The following ADCYAP1R1 variants were observed in gnomAD, a reference collection of about 807,000 sequenced individuals.
The protein encoded by ADCYAP1R1 is pituitary adenylate cyclase-activating polypeptide type I receptor.
In ADCYAP1R1, 44 loss-of-function variants were observed where a neutral mutation model predicts 67.6. The ratio of observed to expected loss-of-function variants is 0.65; its 90% CI spans 0.51 to 0.84. The LOEUF is 0.84. Among genes scored for constraint, ADCYAP1R1 ranks in the 40% least tolerant of loss-of-function variants. ADCYAP1R1 has a pLI of 0.00. For synonymous variants in ADCYAP1R1, 222 were observed against 219.6 expected (o/e 1.01, Z -0.10); for missense variants, 477 against 587.9 (o/e 0.81, Z 1.95).
intron 8 of ADCYAP1R1, 125 bp downstream of exon 8, chr7:31,084,959 C>A (rs1007324627): frequency 3.2e-6 from 3 of 941,922 alleles, no homozygotes; most frequent in Non-Finnish European, 5.0e-6. Context: ...ATTTCTCCCA[C>A]CCCAAGGATA....
In ADCYAP1R1 at chr7:31,106,525, A is replaced by T. The variant is rs759480300; in HGVS notation, c.1248A>T (p.Arg416=). Residue 416 remains arginine (R), a synonymous_variant, in exon 16 of 16, where the codon CGA becomes CGT. Coordinates refer to ENST00000304166, the MANE Select transcript of ADCYAP1R1 (RefSeq NM_001118.5). ...AAGCGGAGATCAAGCGAAAATGGCG[A>T]AGCTGGAAGGTGAACCGTTACTTCG... The part of the protein sequence containing the change: ...EVQAEIKRKW[R]SWKVNRYFAV... The T allele has an allele frequency of 6.2e-7, 1 of 1,612,722 alleles. No homozygotes were observed. Among genetic ancestry groups the T allele is most frequent in the South Asian group, 1.1e-5 (1 of 90,780 alleles).
intron 3 of ADCYAP1R1, among the ~76,000 whole-genome samples, chr7:31,070,033 A>G (rs1395759900): frequency 6.6e-6 from 1 of 152,194 alleles, no homozygotes; most frequent in Non-Finnish European, 1.5e-5. Flanking sequence ...GGTGGTGGTC[A>G]TTGGCCAACC....
intron 3 of ADCYAP1R1, among the ~76,000 whole-genome samples, chr7:31,069,698 C>T (rs1192541787): frequency 6.6e-6 from 1 of 152,038 alleles, no homozygotes; most frequent in Non-Finnish European, 1.5e-5. Context: ...TAAAGAGAAC[C>T]TAGGATGGTG....
intron 4 of ADCYAP1R1, among the ~76,000 whole-genome samples, chr7:31,078,321 G>A (rs1005658028): frequency 5.9e-5 from 9 of 152,088 alleles, no homozygotes; most frequent in Admixed American, 2.0e-4. Flanking sequence ...GTGCCCTCAC[G>A]CGTGGGATCC....
chr7:31,109,456 CTG>C lies in ADCYAP1R1; in HGVS notation c.*2775_*2776del, dbSNP rs1304134587. ...CATCTACTTGGAATGGGCCCCAGGA[CTG>C]TGGTATTTGCCTGGGCCAGGAAAGG... On this transcript the variant is annotated 3_prime_UTR_variant, in exon 16 of 16. Coordinates refer to ENST00000304166, the MANE Select transcript of ADCYAP1R1 (RefSeq NM_001118.5). 1 of 152,174 alleles carries C rather than the reference CTG, an allele frequency of 6.6e-6. No homozygotes were observed. The highest frequency in any genetic ancestry group is 1.5e-5 in the Non-Finnish European group (1 of 68,056). 9.4% of individuals were successfully genotyped at this position (152,174 alleles called of 1,614,324 possible). A position where few individuals can be genotyped will look rare whatever the true frequency, so the allele number is the denominator to read the frequency against.
chr7:31,104,583 G>C (rs950995951), intron 14 of ADCYAP1R1, among the ~76,000 whole-genome samples: 10 of 152,142 alleles, frequency 6.6e-5, no homozygotes, highest in Non-Finnish European at 1.2e-4. Context: ...ATAGGAAGTG[G>C]GATAGAGCTG....
At chr7:31,099,768 CG>C (rs1796357599) in intron 13 of ADCYAP1R1, among the ~76,000 whole-genome samples, 1 of 152,176 alleles carries the variant, frequency 6.6e-6, no homozygotes, top group African/African-American at 2.4e-5. Flanking sequence ...CTTGACGAGG[CG>C]GGGCTCTAAG....
chr7:31,077,774 AGTGT>A (rs1187367937), intron 3 of ADCYAP1R1, among the ~76,000 whole-genome samples: 2 of 112,440 alleles, frequency 1.8e-5, no homozygotes, highest in Admixed American at 9.0e-5. Context: ...ATGTATGTGT[AGTGT>A]GTGTGTGTGA....
At chr7:31,078,605 C>T (rs1024550071) in intron 4 of ADCYAP1R1, among the ~76,000 whole-genome samples, 1 of 152,334 alleles carries the variant, frequency 6.6e-6, no homozygotes, top group African/African-American at 2.4e-5. Flanking sequence ...GAATGAGACG[C>T]GTGGGGAAGG....
rs760533257 is a variant in ADCYAP1R1, at chr7:31,102,209, G to A, written c.1047-1028G>A. ...CTGCCTCATGCCTGCTGTCCACCCC[G>A]GGGGACTTAGCTGTGCTGGGAGATG... is the stretch of plus-strand genomic sequence containing the variant. On this transcript the variant is annotated intron_variant, in intron 13 of 15. Coordinates refer to ENST00000304166, the MANE Select transcript of ADCYAP1R1 (RefSeq NM_001118.5). This position sits in a 1 kb window ranked among gnomAD's most constrained non-coding sequence, Gnocchi z 4.3. Among the ~76,000 whole-genome samples, 13 of 152,226 alleles carry A rather than the reference G, an allele frequency of 8.5e-5. No individual in the cohort carries two copies. Among genetic ancestry groups the A allele is most frequent in the Admixed American group, 3.3e-4 (5 of 15,288 alleles).
chr7:31,110,520 A>G lies in ADCYAP1R1; in HGVS notation c.*3836A>G, dbSNP rs1181126635. 4 of 152,240 alleles carry G rather than the reference A, an allele frequency of 2.6e-5. No individual in the cohort carries two copies. The highest frequency in any genetic ancestry group is 2.6e-4 in the Admixed American group (4 of 15,286). 9.4% of individuals were successfully genotyped at this position (152,240 alleles called of 1,614,324 possible). A position where few individuals can be genotyped will look rare whatever the true frequency, so the allele number is the denominator to read the frequency against. ...ACCATGGTGGGATCCAGTATGTTTT[A>G]TAAATCTGAATGAGTAAATGGCTCA... On this transcript the variant is annotated 3_prime_UTR_variant, in exon 16 of 16. Transcript: ENST00000304166.
At chr7:31,087,879 T>C (rs1348711421) in intron 12 of ADCYAP1R1, among the ~76,000 whole-genome samples, 183 bp downstream of exon 12, 1 of 152,254 alleles carries the variant, frequency 6.6e-6, no homozygotes, top group African/African-American at 2.4e-5. Context: ...AGATTTATAT[T>C]GTCCCATTTT....
At chr7:31,071,774 T>C (rs1192674732) in intron 3 of ADCYAP1R1, among the ~76,000 whole-genome samples, 2 of 152,182 alleles carry the variant, frequency 1.3e-5, no homozygotes, top group East Asian at 3.9e-4. Flanking sequence ...CCCTGCCCTC[T>C]TCTCCAGTTG....
At chr7:31,104,803 T>C in intron 14 of ADCYAP1R1, 65 bp from the exon 15 acceptor site, 1 of 1,568,302 alleles carries the variant, frequency 6.4e-7, no homozygotes, top group Non-Finnish European at 8.8e-7. Context: ...ATCCCCTCCA[T>C]GCCCCACACA....
intron 4 of ADCYAP1R1, among the ~76,000 whole-genome samples, chr7:31,080,061 C>T (rs577831330): frequency 4.6e-5 from 7 of 152,328 alleles, no homozygotes; most frequent in African/African-American, 1.4e-4. Flanking sequence ...GGTCAGATTC[C>T]ATGCCAGACT....
chr7:31,074,648 C>G (rs73688756), intron 3 of ADCYAP1R1, among the ~76,000 whole-genome samples: 11 of 152,182 alleles, frequency 7.2e-5, no homozygotes, highest in Non-Finnish European at 1.5e-4. Flanking sequence ...TGCTCCACGG[C>G]CGTTCCACGG....
chr7:31,058,567 C>T (rs1247587241), intron 1 of ADCYAP1R1, among the ~76,000 whole-genome samples: 7 of 152,186 alleles, frequency 4.6e-5, no homozygotes, highest in East Asian at 1.9e-4. Context: ...GAAAGTGTGT[C>T]GCCTTCTCTG....
intron 12 of ADCYAP1R1, among the ~76,000 whole-genome samples, chr7:31,091,038 A>G (rs934602413): frequency 1.3e-5 from 2 of 152,224 alleles, no homozygotes; most frequent in Non-Finnish European, 2.9e-5. Flanking sequence ...TCCCACCAAC[A>G]GTGTTTCCAT....
chr7:31,092,621 C>CTT (rs112436908), intron 12 of ADCYAP1R1, 23 bp from the exon 13 acceptor site: 395 of 1,375,642 alleles, frequency 2.9e-4, no homozygotes, highest in Middle Eastern at 7.6e-4. Context: ...TGTCCATCTG[C>CTT]TTTTTTTTTT....
Sources: gnomAD v4.1 joint callset for allele counts (sites outside exome capture counted in the v4.1 genomes callset) on GRCh38, gnomAD v4.1.1 for gene constraint, Gnocchi (gnomAD v3.1) non-coding constraint, MANE v1.5 for transcripts, NCBI Gene and HGNC (gene_info 2026-07-23, HGNC 2026-07-21) for gene names.